The following AKT2 variants were observed in gnomAD, a reference collection of about 807,000 sequenced individuals.
AKT2 encodes the protein AKT serine/threonine kinase 2.
In AKT2, 16 loss-of-function variants were observed where a neutral mutation model predicts 58.6. The ratio of observed to expected loss-of-function variants is 0.27; its 90% CI spans 0.18 to 0.41. AKT2 has a LOEUF of 0.41. Ranked by LOEUF, AKT2 falls within the 10% of genes least tolerant of loss-of-function variation. AKT2 has a pLI of 1.00. For missense variants in AKT2, 438 were observed against 661.0 expected, an observed-to-expected ratio of 0.66 and a Z score of 3.70; for synonymous variants, 253 against 254.0, an observed-to-expected ratio of 1.00 and a Z score of 0.04.
At chr19:40,274,982 G>T (rs555869902) in intron 1 of AKT2, 50 of 435,200 alleles carry the variant, frequency 1.1e-4, no homozygotes, top group Middle Eastern at 7.2e-4. Context: ...TCCAGGAGCT[G>T]TCCCCAGAAT....
chr19:40,257,687 T>C (rs146252481), intron 2 of AKT2, among the ~76,000 whole-genome samples: 1 of 151,202 alleles, frequency 6.6e-6, no homozygotes, highest in East Asian at 2.0e-4. Flanking sequence ...CACAAAAACT[T>C]ACACACAAAT....
intron 1 of AKT2, chr19:40,268,558 A>T (rs1223773851): frequency 6.6e-6 from 1 of 152,426 alleles, no homozygotes; most frequent in Non-Finnish European, 1.5e-5. Flanking sequence ...ATGAGGACAG[A>T]AGCTGAGAGA....
chr19:40,266,197 G>C (rs1294717284), intron 1 of AKT2: 1 of 152,374 alleles, frequency 6.6e-6, no homozygotes, highest in Non-Finnish European at 1.5e-5. Flanking sequence ...GCGCCAGCTG[G>C]GCCCCTACCT....
chr19:40,259,807 GAAAGATGA>G (rs1310392131), intron 2 of AKT2, among the ~76,000 whole-genome samples: 3 of 152,210 alleles, frequency 2.0e-5, no homozygotes, highest in African/African-American at 4.8e-5. Context: ...ATGGTCAACA[GAAAGATGA>G]AAAGATGTTC....
chr19:40,257,131 A>G lies in AKT2; in HGVS notation c.47-77T>C, dbSNP rs532405302. The G allele has an allele frequency of 2.6e-6, 4 of 1,562,366 alleles. No individual in the cohort carries two copies. In the Admixed American group the frequency reaches 5.0e-5, roughly 20 times the overall value. On this transcript the variant is annotated intron_variant, in intron 2 of 13. Transcript: ENST00000392038. The stretch of plus-strand genomic sequence containing the variant: ...GTCCCAGGTAGGCGGCAGGAGGCCC[A>G]GTGTGACGGTGACTCACAAGGGGTA...
At position 40,246,855 on chromosome 19, in the gene AKT2, C is replaced by T. The variant is rs1600008037; in HGVS notation, c.288-4168G>A. 3.3e-5 allele frequency among the ~76,000 whole-genome samples: 5 copies of T among 152,350 alleles called. No homozygotes were observed. In the South Asian group the frequency reaches 1.0e-3, roughly 32 times the overall value. On this transcript the variant is annotated intron_variant, in intron 4 of 13. Transcript: ENST00000392038. The stretch of plus-strand genomic sequence containing the variant: ...CTCTGCCACCTGGACCAGCTCAGCC[C>T]TCCCAGCTCTCCCCTCCACCAGGGC...
At chr19:40,276,343 A>ACCTTTTTTTTTTTTTTTTTTTT (rs1568573407) in intron 1 of AKT2, among the ~76,000 whole-genome samples, 1 of 98,856 alleles carries the variant, frequency 1.0e-5, no homozygotes. Context: ...GTAAAATGGA[A>ACCTTTTTTTTTTTTTTTTTTTT]TCTTTTTTTT....
intron 4 of AKT2, among the ~76,000 whole-genome samples, chr19:40,249,580 C>G (rs997956581): frequency 5.3e-5 from 8 of 152,234 alleles, no homozygotes. Context: ...TCAGGAGTGA[C>G]AGCTGACTGT....
rs145145812 is a variant in AKT2 at position 40,250,210 on chromosome 19, A to T, written c.287+4948T>A. Among the ~76,000 whole-genome samples, 295 of 152,204 alleles carry T rather than the reference A, an allele frequency of 1.9e-3. 1 individual carries two copies. The highest frequency in any genetic ancestry group is 6.8e-3 in the African/African-American group (283 of 41,518). On this transcript the variant is annotated intron_variant, in intron 4 of 13. Coordinates refer to ENST00000392038, the MANE Select transcript of AKT2 (RefSeq NM_001626.6). Reference sequence around the variant, plus strand: ...CTAAGCAGAGAAAATACATGATAAGATTTACATCAAGGCCAGGCACGGTGG... The same window carrying T: ...CTAAGCAGAGAAAATACATGATAAGTTTTACATCAAGGCCAGGCACGGTGG...
chr19:40,275,252 T>G, intron 1 of AKT2: 1 of 456,792 alleles, frequency 2.2e-6, no homozygotes, highest in Non-Finnish European at 4.4e-6. Flanking sequence ...GGCCAGCCCT[T>G]CCTTACCGCC....
At chr19:40,254,686 G>A (rs755876196) in intron 4 of AKT2, among the ~76,000 whole-genome samples, 28 of 144,740 alleles carry the variant, frequency 1.9e-4, no homozygotes, top group Admixed American at 1.9e-3. Context: ...AAACTAAGCC[G>A]GGCATGGTGG....
At chr19:40,276,343 A>ACCTTTTTTTTTTTTTT (rs1568573407) in intron 1 of AKT2, among the ~76,000 whole-genome samples, 1 of 98,856 alleles carries the variant, frequency 1.0e-5, no homozygotes, top group Non-Finnish European at 2.0e-5. Flanking sequence ...GTAAAATGGA[A>ACCTTTTTTTTTTTTTT]TCTTTTTTTT....
intron 2 of AKT2, among the ~76,000 whole-genome samples, chr19:40,258,353 G>A: frequency 6.7e-6 from 1 of 149,740 alleles, no homozygotes; most frequent in East Asian, 2.0e-4. Flanking sequence ...GATGAATCAT[G>A]TAGTACATCA....
At position 40,242,010 on chromosome 19, in the gene AKT2, G is replaced by A. The variant is rs769010034; in HGVS notation, c.501C>T (p.Ile167=). 3 of 1,614,252 alleles carry A rather than the reference G, an allele frequency of 1.9e-6. No individual in the cohort carries two copies. ...GGCCAGTGGCCTTCTCCCGCACCAGGATGACTTTGCCAAAGGTTCCCTTGC... is the reference window on the plus strand; with the variant it reads ...GGCCAGTGGCCTTCTCCCGCACCAGAATGACTTTGCCAAAGGTTCCCTTGC... ...LLGKGTFGKV[I]LVREKATGRY... Residue 167 remains isoleucine (I), a synonymous_variant, in exon 6 of 14, where the codon ATC becomes ATT. Coordinates refer to ENST00000392038, the MANE Select transcript of AKT2 (RefSeq NM_001626.6). This position sits in a 1 kb window ranked among gnomAD's most constrained non-coding sequence, Gnocchi z 4.3.
intron 3 of AKT2, among the ~76,000 whole-genome samples, chr19:40,255,520 G>A (rs190092344): frequency 6.6e-6 from 1 of 152,314 alleles, no homozygotes; most frequent in East Asian, 1.9e-4. Context: ...CAAGCCTAGA[G>A]GTGTGCAGAA....
rs1159523294 is a variant in AKT2, at chr19:40,232,793, C to T, written c.*1079G>A. 8.6e-6 allele frequency: 2 copies of T among 233,538 alleles called. No homozygotes were observed. The highest frequency in any genetic ancestry group is 1.7e-5 in the Non-Finnish European group (2 of 118,242). 14.5% of individuals were successfully genotyped at this position (233,538 alleles called of 1,614,324 possible). A position where few individuals can be genotyped will look rare whatever the true frequency, so the allele number is the denominator to read the frequency against. The stretch of plus-strand genomic sequence containing the variant: ...CGCAGTCCGAGGCACGCACAGGAGT[C>T]CCACAGCACTGACATGGACGTGCAC... On this transcript the variant is annotated 3_prime_UTR_variant, in exon 14 of 14. Coordinates refer to ENST00000392038, the MANE Select transcript of AKT2 (RefSeq NM_001626.6).
intron 4 of AKT2, among the ~76,000 whole-genome samples, chr19:40,246,131 G>A (rs1974740721): frequency 6.6e-6 from 1 of 151,410 alleles, no homozygotes; most frequent in Non-Finnish European, 1.5e-5. Flanking sequence ...GACAGGGCAG[G>A]AGCCCATTCC....
chr19:40,282,659 C>A (rs1269819424), intron 1 of AKT2: 1 of 397,772 alleles, frequency 2.5e-6, no homozygotes, highest in South Asian at 1.9e-5. Context: ...ACCTGGTGAG[C>A]AAGGAATGCA....
intron 2 of AKT2, among the ~76,000 whole-genome samples, chr19:40,261,420 C>A (rs550022678): frequency 6.6e-6 from 1 of 152,102 alleles, no homozygotes; most frequent in Admixed American, 6.6e-5. Context: ...GTAATCCCAG[C>A]TACTCAGGAG....
Sources: allele counts gnomAD v4.1 joint callset (sites outside exome capture counted in the v4.1 genomes callset), GRCh38; gene constraint gnomAD v4.1.1; non-coding constraint Gnocchi (gnomAD v3.1); transcripts MANE v1.5; gene names NCBI Gene and HGNC (gene_info 2026-07-23, HGNC 2026-07-21).